Variants in CTNNA2 observed in about 807,000 individuals in gnomAD.
The protein encoded by CTNNA2 is catenin alpha-2.
In CTNNA2, 42 loss-of-function variants were observed where a neutral mutation model predicts 101.0. The observed-to-expected ratio is 0.42, with a 90% CI of 0.32 to 0.54. The LOEUF (loss-of-function observed/expected upper bound fraction) is 0.54. CTNNA2 is among the 20% of genes least tolerant of loss of function. The probability of loss-of-function intolerance (pLI) is 0.14; values close to 1 mark genes in which losing one functional copy is unlikely to be tolerated. For synonymous variants in CTNNA2, 450 were observed against 456.4 expected (o/e 0.99, Z 0.18); for missense variants, 871 against 1,223.1 (o/e 0.71, Z 4.29).
intron 1 of CTNNA2, among the ~76,000 whole-genome samples, chr2:79,553,309 T>C (rs1202221537): frequency 6.6e-6 from 1 of 152,170 alleles, no homozygotes; most frequent in Non-Finnish European, 1.5e-5. Context: ...CTCTAGGACG[T>C]TCCAAACTTG....
rs560861875 is a variant in CTNNA2 at position 79,339,331 on chromosome 2, G to A, written c.-318+26535G>A. Among the ~76,000 whole-genome samples the A allele has an allele frequency of 1.4e-4, 21 of 152,166 alleles. No individual in the cohort carries two copies. In the East Asian group the frequency reaches 3.9e-3, roughly 28 times the overall value. The stretch of plus-strand genomic sequence containing the variant: ...CTGCCAAGAGATTAAGAGACATGAG[G>A]ACTAAAAGAGTCCCATTAGGTGCCC... On this transcript the variant is annotated intron_variant, in intron 3 of 21. Coordinates refer to the CTNNA2 transcript ENST00000466387.
At chr2:79,343,170 A>G (rs554727680) in intron 3 of CTNNA2, among the ~76,000 whole-genome samples, 4 of 152,194 alleles carry the variant, frequency 2.6e-5, no homozygotes, top group Non-Finnish European at 5.9e-5. Flanking sequence ...AGTTAACCAT[A>G]TTGCCTTAAC....
chr2:80,311,079 G>A (rs1677531668), intron 7 of CTNNA2, among the ~76,000 whole-genome samples: 1 of 151,742 alleles, frequency 6.6e-6, no homozygotes, highest in South Asian at 2.1e-4. Context: ...ATTAAGTTTT[G>A]GGTATACATT....
In CTNNA2 at chr2:80,406,585, G is replaced by C. The variant is rs192403028; in HGVS notation, c.1138-12864G>C. On this transcript the variant is annotated intron_variant, in intron 8 of 18. Transcript: ENST00000402739. ...CTCACGCCTGTAATCCCAGCACTTT[G>C]GGAGGCCGAGGCAGGCGGATCATGA... Among the ~76,000 whole-genome samples the C allele has an allele frequency of 3.5e-3, 529 of 152,240 alleles. 4 individuals carry two copies. Among genetic ancestry groups the C allele is most frequent in the African/African-American group, 0.012 (502 of 41,564 alleles).
At chr2:79,383,043 G>C (rs929627074) in intron 4 of CTNNA2, among the ~76,000 whole-genome samples, 1 of 152,178 alleles carries the variant, frequency 6.6e-6, no homozygotes, top group African/African-American at 2.4e-5. Context: ...CTTCCTAACT[G>C]TAATAAGTCA....
intron 7 of CTNNA2, among the ~76,000 whole-genome samples, chr2:80,263,022 G>A (rs900663925): frequency 2.0e-5 from 3 of 152,154 alleles, no homozygotes; most frequent in African/African-American, 2.4e-5. Flanking sequence ...TCTGGCCCTC[G>A]GAAATGGAAT....
intron 7 of CTNNA2, among the ~76,000 whole-genome samples, chr2:80,000,084 C>A (rs1382533294): frequency 6.6e-6 from 1 of 152,058 alleles, no homozygotes; most frequent in Admixed American, 6.6e-5. Flanking sequence ...ATGAAGAATC[C>A]TTGTTTTTTG....
At chr2:79,490,235 C>A (rs1481669398) in intron 4 of CTNNA2, among the ~76,000 whole-genome samples, 1 of 152,140 alleles carries the variant, frequency 6.6e-6, no homozygotes, top group Non-Finnish European at 1.5e-5. Flanking sequence ...TATAAGCTTG[C>A]ATAAAAATGT....
At position 79,550,990 on chromosome 2, in the gene CTNNA2, A is replaced by T. The variant is rs145569348; in HGVS notation, c.-6+37783A>T. 7.7e-3 allele frequency among the ~76,000 whole-genome samples: 1,178 copies of T among 152,330 alleles called. 11 individuals are homozygous for T. The highest frequency in any genetic ancestry group is 0.027 in the African/African-American group (1,116 of 41,578). ...GAATAATGGAATCTGTGATAATTTG[A>T]TAAGTCAATAAAAAACATTTCAATA... On this transcript the variant is annotated intron_variant, in intron 1 of 18. Coordinates refer to ENST00000402739, the MANE Select transcript of CTNNA2 (RefSeq NM_001282597.3).
chr2:79,360,468 AATGAG>A (rs923576129), intron 3 of CTNNA2, among the ~76,000 whole-genome samples: 1 of 152,214 alleles, frequency 6.6e-6, no homozygotes, highest in African/African-American at 2.4e-5. Flanking sequence ...GAAACAAAGA[AATGAG>A]ATGAGATTAA....
chr2:80,218,460 C>T (rs556635185), intron 7 of CTNNA2, among the ~76,000 whole-genome samples: 14 of 152,254 alleles, frequency 9.2e-5, no homozygotes, highest in South Asian at 4.1e-4. Flanking sequence ...GGCAGACATC[C>T]GATTATTGAC....
intron 4 of CTNNA2, among the ~76,000 whole-genome samples, chr2:79,380,977 A>G (rs1370669964): frequency 6.6e-6 from 1 of 152,190 alleles, no homozygotes; most frequent in Non-Finnish European, 1.5e-5. Context: ...CAAAATTTTG[A>G]AGAAAAGTTA....
chr2:80,061,479 TA>T (rs1298020806), intron 7 of CTNNA2, among the ~76,000 whole-genome samples: 3 of 152,114 alleles, frequency 2.0e-5, no homozygotes, highest in Non-Finnish European at 4.4e-5. Context: ...CATTTAAAAG[TA>T]AAAGGGCATA....
chr2:79,842,086 A>G (rs1163833250), intron 3 of CTNNA2, among the ~76,000 whole-genome samples: 1 of 152,166 alleles, frequency 6.6e-6, no homozygotes, highest in African/African-American at 2.4e-5. Flanking sequence ...TCATTTTAGT[A>G]TCAGGATTTT....
intron 2 of CTNNA2, among the ~76,000 whole-genome samples, chr2:79,665,148 G>A (rs1409330274): frequency 2.0e-5 from 3 of 152,072 alleles, no homozygotes; most frequent in Non-Finnish European, 1.5e-5. Context: ...TTTCACAAGT[G>A]TATGAAAATT....
rs546268928 is a variant in CTNNA2 at position 79,875,940 on chromosome 2, CGAG to C, written c.852+1602_852+1604del. On this transcript the variant is annotated intron_variant, in intron 6 of 18. Coordinates refer to ENST00000402739, the MANE Select transcript of CTNNA2 (RefSeq NM_001282597.3). ...CATCATGTAAAATAAAGTAGAATAA[CGAG>C]GAGATATTCACAAAACAAATAATTT... is the stretch of plus-strand genomic sequence containing the variant. Among the ~76,000 whole-genome samples the C allele has an allele frequency of 1.6e-3, 243 of 151,782 alleles. 1 individual carries two copies. Among genetic ancestry groups the C allele is most frequent in the African/African-American group, 5.7e-3 (236 of 41,410 alleles).
intron 1 of CTNNA2, among the ~76,000 whole-genome samples, chr2:79,613,611 A>G (rs1352643549): frequency 1.3e-5 from 2 of 152,174 alleles, no homozygotes; most frequent in Non-Finnish European, 2.9e-5. Flanking sequence ...ACTATCAACA[A>G]TAACAAAAAT....
intron 7 of CTNNA2, among the ~76,000 whole-genome samples, chr2:80,106,795 C>T (rs530716136): frequency 8.5e-5 from 13 of 152,208 alleles, no homozygotes; most frequent in Non-Finnish European, 1.9e-4. Context: ...CCAGGAGAGG[C>T]GCCTGGCGTA....
chr2:80,036,683 C>G (rs1400041587), intron 7 of CTNNA2, among the ~76,000 whole-genome samples: 1 of 152,094 alleles, frequency 6.6e-6, no homozygotes, highest in Admixed American at 6.6e-5. Context: ...ACTATGTTGA[C>G]AGCAGGGAGC....
Sources: gnomAD v4.1 joint callset for allele counts (sites outside exome capture counted in the v4.1 genomes callset) on GRCh38, gnomAD v4.1.1 for gene constraint, MANE v1.5 for transcripts, NCBI Gene and HGNC (gene_info 2026-07-23, HGNC 2026-07-21) for gene names.